Variants in PRKCZ observed in about 807,000 individuals in gnomAD.
PRKCZ encodes the protein protein kinase C zeta.
In PRKCZ, 33 loss-of-function variants were observed where a neutral mutation model predicts 79.5. The observed-to-expected ratio is 0.41, with a 90% confidence interval of 0.31 to 0.55. The LOEUF (loss-of-function observed/expected upper bound fraction) is 0.55, where lower values mean the gene tolerates loss of function less well. PRKCZ is among the 20% of genes least tolerant of loss of function. The pLI is 0.19. For missense variants in PRKCZ, 578 were observed against 813.5 expected (o/e 0.71, Z 3.52); for synonymous variants, 342 against 320.9 (o/e 1.07, Z -0.70).
chr1:2,065,088 T>A (rs1392279256), intron 4 of PRKCZ, among the ~76,000 whole-genome samples: 2 of 152,234 alleles, frequency 1.3e-5, no homozygotes, highest in African/African-American at 4.8e-5. Flanking sequence ...CCTAAACGTT[T>A]TATTCTTTTT....
At position 2,151,218 on chromosome 1, in the gene PRKCZ, G is replaced by T. The variant is rs377698919; in HGVS notation, c.876+240G>T. Among the ~76,000 whole-genome samples, 3 of 152,384 alleles carry T rather than the reference G, an allele frequency of 2.0e-5. No homozygotes were observed. The South Asian group carries it at 6.2e-4, about 32-fold the overall frequency. On this transcript the variant is annotated intron_variant, in intron 9 of 17. Transcript: ENST00000378567. Reference sequence around the variant, plus strand: ...GCACTCCACAAACCCAAACAGCACAGCCAACTCCACAGCCAAGATGCACAG... The same window carrying T: ...GCACTCCACAAACCCAAACAGCACATCCAACTCCACAGCCAAGATGCACAG...
Position 2,135,308 on chromosome 1 carries a change from T to A in PRKCZ, c.381T>A (p.Arg127=), listed in dbSNP as rs758570789. The A allele has an allele frequency of 6.2e-7, 1 of 1,613,512 alleles. No individual in the cohort carries two copies. Among genetic ancestry groups the A allele is most frequent in the Non-Finnish European group, 8.5e-7 (1 of 1,179,872 alleles). The change falls in exon 5 of 18, where the codon CGT becomes CGA. Residue 127 remains arginine, a synonymous_variant. Coordinates refer to ENST00000378567, the MANE Select transcript of PRKCZ (RefSeq NM_002744.6). ...RGARRWRKLY[R]ANGHLFQAKR... ...CCAGAAGATGGAGGAAGCTGTACCG[T>A]GCCAACGGCCACCTCTTCCAAGCCA...
chr1:2,101,019 TAAAAA>T (rs3067304), intron 4 of PRKCZ, among the ~76,000 whole-genome samples: 4 of 133,488 alleles, frequency 3.0e-5, no homozygotes, highest in African/African-American at 1.1e-4. Flanking sequence ...TTTATTTTGT[TAAAAA>T]AAAAAAAAAA....
Position 2,172,179 on chromosome 1 carries a change from G to A in PRKCZ, c.1186G>A (p.Gly396Ser), listed in dbSNP as rs757469768. ...ADGHIKLTDY[G>S]MCKEGLGPGD... is the part of the protein sequence containing the mutation. ...CGGGCACATCAAGCTCACAGACTAC[G>A]GCATGTGCAAGGTGCGTGCCTTGGA... Residue 396 changes from glycine to serine, a missense_variant, in exon 12 of 18, where the codon GGC becomes AGC. Transcript: ENST00000378567. The surrounding 1 kb of genome is among the most constrained non-coding windows in gnomAD (Gnocchi z 7.8). 2.5e-6 allele frequency: 4 copies of A among 1,613,282 alleles called. No individual in the cohort carries two copies. Among genetic ancestry groups the A allele is most frequent in the Non-Finnish European group, 2.5e-6 (3 of 1,179,940 alleles).
chr1:2,178,696 G>T lies in PRKCZ; in HGVS notation c.1575+3383G>T, dbSNP rs1216672950. 6.6e-6 allele frequency among the ~76,000 whole-genome samples: 1 copy of T among 152,178 alleles called. No homozygotes were observed. On this transcript the variant is annotated intron_variant, in intron 16 of 17. Coordinates refer to ENST00000378567, the MANE Select transcript of PRKCZ (RefSeq NM_002744.6). This position sits in a 1 kb window ranked among gnomAD's most constrained non-coding sequence, Gnocchi z 4.3. Reference sequence around the variant, plus strand: ...TTGGGGGCCCCCTCAGTCTGTGCTGGACTTAGTTCCATGGCTGTAGTGGGC... The same window carrying T: ...TTGGGGGCCCCCTCAGTCTGTGCTGTACTTAGTTCCATGGCTGTAGTGGGC...
intron 10 of PRKCZ, among the ~76,000 whole-genome samples, chr1:2,164,995 C>G (rs147074087): frequency 6.6e-5 from 10 of 152,170 alleles, no homozygotes; most frequent in African/African-American, 2.4e-4. Context: ...TGAGGACACC[C>G]GTGTTTGCCT....
At chr1:2,097,589 C>T (rs1487435022) in intron 4 of PRKCZ, among the ~76,000 whole-genome samples, 3 of 152,152 alleles carry the variant, frequency 2.0e-5, no homozygotes, top group African/African-American at 7.2e-5. Flanking sequence ...TCAGCCCATG[C>T]ACCCCGGAAG....
chr1:2,185,156 G>T lies in PRKCZ; in HGVS notation c.*147G>T, dbSNP rs1235669440. 1 of 795,542 alleles carries T rather than the reference G, an allele frequency of 1.3e-6. No individual in the cohort carries two copies. The highest frequency in any genetic ancestry group is 1.7e-5 in the African/African-American group (1 of 58,806). The allele number at this position is 795,542 out of a possible 1,614,324, so 49.3% of individuals were successfully genotyped here. ...GAGACCGCAGAGGGAAGCGTCAGCG[G>T]GCGCTGCTGGGAGCAGAACAGTCCC... On this transcript the variant is annotated 3_prime_UTR_variant, in exon 18 of 18. Coordinates refer to ENST00000378567, the MANE Select transcript of PRKCZ (RefSeq NM_002744.6).
chr1:2,115,198 G>A (rs1026077333), intron 4 of PRKCZ, among the ~76,000 whole-genome samples: 21 of 152,400 alleles, frequency 1.4e-4, no homozygotes, highest in African/African-American at 4.8e-4. Flanking sequence ...CTTTCCCGTG[G>A]TGTGGGGTGC....
In PRKCZ at chr1:2,172,055, G is replaced by A. The variant is rs375476504; in HGVS notation, c.1062G>A (p.Arg354=). 4 of 1,600,824 alleles carry A rather than the reference G, an allele frequency of 2.5e-6. No homozygotes were observed. The African/African-American group carries it at 4.0e-5, about 16-fold the overall frequency. The part of the protein sequence containing the change: ...RQRKLPEEHA[R]FYAAEICIAL... ...CCCATGACGGCATCCCCACCCCCAGGTTCTACGCGGCCGAGATCTGCATCG... is the reference window on the plus strand; with the variant it reads ...CCCATGACGGCATCCCCACCCCCAGATTCTACGCGGCCGAGATCTGCATCG... The change falls in exon 12 of 18, where the codon AGG becomes AGA. Residue 354 remains arginine, a splice_region_variant and synonymous_variant. Transcript: ENST00000378567. This position sits in a 1 kb window ranked among gnomAD's most constrained non-coding sequence, Gnocchi z 7.8.
rs1307414471 is a variant in PRKCZ, at chr1:2,174,603, G to A, written c.1406-151G>A. ...CCCAGGGAGGACCCGGCGGGACTCC[G>A]GGTTATAGATATTGCTGGGCTGTAG... On this transcript the variant is annotated intron_variant, in intron 14 of 17. Transcript: ENST00000378567. This position sits in a 1 kb window ranked among gnomAD's most constrained non-coding sequence, Gnocchi z 6.2. 3.5e-5 allele frequency: 25 copies of A among 718,350 alleles called. No individual in the cohort carries two copies. Among genetic ancestry groups the A allele is most frequent in the East Asian group, 2.6e-4 (10 of 38,596 alleles). 44.5% of individuals were successfully genotyped at this position (718,350 alleles called of 1,614,324 possible). A position where few individuals can be genotyped will look rare whatever the true frequency, so the allele number is the denominator to read the frequency against.
intron 4 of PRKCZ, among the ~76,000 whole-genome samples, chr1:2,110,518 A>G (rs983244803): frequency 9.9e-5 from 15 of 152,258 alleles, no homozygotes; most frequent in African/African-American, 3.6e-4. Context: ...GAGTCCCCCA[A>G]GTCCATTGAG....
rs1678096670 is a variant in PRKCZ at position 2,144,561 on chromosome 1, A to C, written c.552+220A>C. On this transcript the variant is annotated intron_variant, in intron 6 of 17. Transcript: ENST00000378567. ...CCCGGCACACTCTGCTCATTGGGGC[A>C]TGAGGCTCAGGCAGCAGGCTCAGGT... is the stretch of plus-strand genomic sequence containing the variant. 1.1e-5 allele frequency: 15 copies of C among 1,395,604 alleles called. 1 individual carries two copies. The South Asian group carries it at 2.3e-4, about 21-fold the overall frequency. 86.5% of individuals were successfully genotyped at this position (1,395,604 alleles called of 1,614,324 possible). A position where few individuals can be genotyped will look rare whatever the true frequency, so the allele number is the denominator to read the frequency against.
In PRKCZ at chr1:2,177,408, AC is replaced by A. The variant is rs975270906; in HGVS notation, c.1575+2097del. Among the ~76,000 whole-genome samples, 5 of 152,066 alleles carry A rather than the reference AC, an allele frequency of 3.3e-5. No individual in the cohort carries two copies. The highest frequency in any genetic ancestry group is 1.2e-4 in the African/African-American group (5 of 41,388). ...CCACCACCGTATGGGGCCCACCAGCACCATGGGATCCAGGGAGAGCCCGATC... is the reference window on the plus strand; with the variant it reads ...CCACCACCGTATGGGGCCCACCAGCACATGGGATCCAGGGAGAGCCCGATC... On this transcript the variant is annotated intron_variant, in intron 16 of 17. Coordinates refer to ENST00000378567, the MANE Select transcript of PRKCZ (RefSeq NM_002744.6). The surrounding 1 kb of genome is among the most constrained non-coding windows in gnomAD (Gnocchi z 6.4).
At position 2,094,703 on chromosome 1, in the gene PRKCZ, C is replaced by T. The variant is rs1237681969; in HGVS notation, c.334+35112C>T. Reference sequence around the variant, plus strand: ...GTTCTGAGGCGCCCGCTGTGCCCGGCTCGTTGAACCTTGGGCGCTGCCCGT... The same window carrying T: ...GTTCTGAGGCGCCCGCTGTGCCCGGTTCGTTGAACCTTGGGCGCTGCCCGT... On this transcript the variant is annotated intron_variant, in intron 4 of 17. Coordinates refer to ENST00000378567, the MANE Select transcript of PRKCZ (RefSeq NM_002744.6). The surrounding 1 kb of genome is among the most constrained non-coding windows in gnomAD (Gnocchi z 7.3). 6.7e-6 allele frequency among the ~76,000 whole-genome samples: 1 copy of T among 149,536 alleles called. No homozygotes were observed. Among genetic ancestry groups the T allele is most frequent in the Non-Finnish European group, 1.5e-5 (1 of 67,360 alleles).
chr1:2,118,762 G>A (rs1157908721), intron 4 of PRKCZ, among the ~76,000 whole-genome samples: 1 of 88,922 alleles, frequency 1.1e-5, no homozygotes, highest in Non-Finnish European at 2.8e-5. Context: ...TGTGAGATGA[G>A]GGGAGGGAGG....
rs572381024 is a variant in PRKCZ, at chr1:2,075,687, G to A, written c.334+16096G>A. The stretch of plus-strand genomic sequence containing the variant: ...CTCCGGGCTCTGCTGCGATGTTTCC[G>A]AGGCTCCCAGTTAATCAGATCTGTC... On this transcript the variant is annotated intron_variant, in intron 4 of 17. Coordinates refer to ENST00000378567, the MANE Select transcript of PRKCZ (RefSeq NM_002744.6). This position sits in a 1 kb window ranked among gnomAD's most constrained non-coding sequence, Gnocchi z 4.8. Among the ~76,000 whole-genome samples the A allele has an allele frequency of 3.9e-5, 6 of 152,272 alleles. No homozygotes were observed. Among genetic ancestry groups the A allele is most frequent in the African/African-American group, 1.2e-4 (5 of 41,548 alleles).
intron 1 of PRKCZ, among the ~76,000 whole-genome samples, chr1:2,053,515 T>C (rs1181143298): frequency 6.6e-6 from 1 of 152,216 alleles, no homozygotes; most frequent in Non-Finnish European, 1.5e-5. Flanking sequence ...TGCTGGGTGC[T>C]GAGTCCTGGA....
At chr1:2,108,241 C>T (rs926458637) in intron 4 of PRKCZ, among the ~76,000 whole-genome samples, 3 of 152,260 alleles carry the variant, frequency 2.0e-5, no homozygotes, top group African/African-American at 4.8e-5. Flanking sequence ...CCGTCCTCTC[C>T]TGCAGAACCC....
Sources: gnomAD v4.1 joint callset for allele counts (sites outside exome capture counted in the v4.1 genomes callset) on GRCh38, gnomAD v4.1.1 for gene constraint, Gnocchi (gnomAD v3.1) non-coding constraint, MANE v1.5 for transcripts, NCBI Gene and HGNC (gene_info 2026-07-23, HGNC 2026-07-21) for gene names.